ADAMTS19: variants seen among roughly 807,000 people sequenced by gnomAD.
ADAMTS19 encodes the protein ADAM metallopeptidase with thrombospondin type 1 motif 19.
In ADAMTS19, 93 loss-of-function variants were observed where a neutral mutation model predicts 153.3. The ratio of observed to expected loss-of-function variants is 0.61; its 90% CI spans 0.51 to 0.72. The LOEUF (loss-of-function observed/expected upper bound fraction) is 0.72. ADAMTS19 is among the 30% of genes least tolerant of loss of function. The pLI is 0.00. For synonymous variants in ADAMTS19, 600 were observed against 556.6 expected (o/e 1.08, Z -1.10); for missense variants, 1,482 against 1,552.1 (o/e 0.95, Z 0.76).
In ADAMTS19 at chr5:129,461,534, T is replaced by C; in HGVS notation, c.524T>C (p.Ile175Thr). The change falls in exon 2 of 23, where the codon ATC becomes ACC. Residue 175 changes from isoleucine (I) to threonine (T), a missense_variant. By Grantham distance (89) the Ile-to-Thr change is moderately conservative (BLOSUM62 -1). Coordinates refer to ENST00000274487, the MANE Select transcript of ADAMTS19 (RefSeq NM_133638.6). The surrounding 1 kb of genome is among the most constrained non-coding windows in gnomAD (Gnocchi z 4.6). ...GATGGCGACGAAGTGTTGCTGCGGA[T>C]CCCGGCCTTCTCTCGGGACCTGTAC... ...EPDGDEVLLRIPAFSRDLYLL... is the reference protein window; with the variant it reads ...EPDGDEVLLRTPAFSRDLYLL... 1 of 1,530,650 alleles carries C rather than the reference T, an allele frequency of 6.5e-7. No individual in the cohort carries two copies. Among genetic ancestry groups the C allele is most frequent in the Non-Finnish European group, 8.7e-7 (1 of 1,145,268 alleles). 94.8% of individuals were successfully genotyped at this position (1,530,650 alleles called of 1,614,324 possible). A position where few individuals can be genotyped will look rare whatever the true frequency, so the allele number is the denominator to read the frequency against.
intron 2 of ADAMTS19, among the ~76,000 whole-genome samples, chr5:129,478,036 C>A (rs1750281914): frequency 6.6e-6 from 1 of 152,084 alleles, no homozygotes; most frequent in South Asian, 2.1e-4. Context: ...AGAACCATCA[C>A]AATAATATAA....
At chr5:129,648,374 C>G (rs1332286570) in intron 12 of ADAMTS19, among the ~76,000 whole-genome samples, 1 of 152,184 alleles carries the variant, frequency 6.6e-6, no homozygotes, top group Non-Finnish European at 1.5e-5. Flanking sequence ...ATGAGAAAGT[C>G]ATTCCAGCTT....
chr5:129,581,540 T>A (rs538107608), intron 7 of ADAMTS19, among the ~76,000 whole-genome samples: 14 of 146,882 alleles, frequency 9.5e-5, no homozygotes, highest in South Asian at 6.5e-4. Context: ...GATAATCTTT[T>A]AAAAAAAAAA....
intron 11 of ADAMTS19, among the ~76,000 whole-genome samples, chr5:129,646,648 TA>T (rs1209868887): frequency 3.3e-5 from 5 of 151,926 alleles, no homozygotes; most frequent in Admixed American, 6.6e-5. Context: ...ATTCAATTCC[TA>T]AAAAAAACTG....
intron 7 of ADAMTS19, among the ~76,000 whole-genome samples, chr5:129,579,316 T>C (rs1749385896): frequency 6.6e-6 from 1 of 152,184 alleles, no homozygotes; most frequent in South Asian, 2.1e-4. Flanking sequence ...TTGATTAAGT[T>C]CTTTGTAGAT....
At position 129,464,687 on chromosome 5, in the gene ADAMTS19, A is replaced by AT. The variant is rs369133883; in HGVS notation, c.747+2934dup. Reference sequence around the variant, plus strand: ...TCAAAGGATAAGTGCCAGAATGGAGATTTTGGATACAGGGGCAAAGCCTGC... The same window carrying AT: ...TCAAAGGATAAGTGCCAGAATGGAGATTTTTGGATACAGGGGCAAAGCCTGC... On this transcript the variant is annotated intron_variant, in intron 2 of 22. Transcript: ENST00000274487. Among the ~76,000 whole-genome samples, 475 of 152,346 alleles carry AT rather than the reference A, an allele frequency of 3.1e-3. 2 individuals carry two copies. The highest frequency in any genetic ancestry group is 4.2e-3 in the Non-Finnish European group (286 of 68,040).
At chr5:129,460,831 A>G in intron 1 of ADAMTS19, 6 of 480,794 alleles carry the variant, frequency 1.2e-5, no homozygotes, top group South Asian at 7.9e-5. Flanking sequence ...GAGTCTTTGC[A>G]TCGGTTTTCT....
At chr5:129,533,118 A>G (rs987360590) in intron 6 of ADAMTS19, among the ~76,000 whole-genome samples, 1 of 152,102 alleles carries the variant, frequency 6.6e-6, no homozygotes, top group Non-Finnish European at 1.5e-5. Flanking sequence ...AAAAAATTAT[A>G]CTGAGTGAAA....
At chr5:129,718,281 T>C (rs1756821010) in intron 21 of ADAMTS19, among the ~76,000 whole-genome samples, 1 of 152,146 alleles carries the variant, frequency 6.6e-6, no homozygotes, top group Non-Finnish European at 1.5e-5. Flanking sequence ...CACATTTCCT[T>C]GATTTGCTAT....
intron 6 of ADAMTS19, among the ~76,000 whole-genome samples, chr5:129,540,784 A>G (rs1170501082): frequency 2.0e-5 from 3 of 151,966 alleles, no homozygotes; most frequent in Non-Finnish European, 4.4e-5. Context: ...GCTACATTTC[A>G]TTTTTTTCAA....
At chr5:129,560,363 G>A (rs1018896838) in intron 7 of ADAMTS19, among the ~76,000 whole-genome samples, 31 of 152,130 alleles carry the variant, frequency 2.0e-4, no homozygotes, top group African/African-American at 7.2e-4. Flanking sequence ...GGGAGGGTGG[G>A]GAAAGATGGT....
chr5:129,671,867 C>T (rs181211893), intron 16 of ADAMTS19, among the ~76,000 whole-genome samples: 136 of 152,114 alleles, frequency 8.9e-4, no homozygotes, highest in African/African-American at 3.0e-3. Context: ...TTACCTTCCA[C>T]GCAGTTTTGT....
At chr5:129,509,535 T>A (rs948597574) in intron 3 of ADAMTS19, among the ~76,000 whole-genome samples, 3 of 151,970 alleles carry the variant, frequency 2.0e-5, no homozygotes, top group African/African-American at 7.2e-5. Context: ...TTTACTGGAA[T>A]AGAAATGACA....
intron 17 of ADAMTS19, among the ~76,000 whole-genome samples, chr5:129,682,460 A>G (rs1394381609): frequency 6.6e-6 from 1 of 152,240 alleles, no homozygotes; most frequent in African/African-American, 2.4e-5. Context: ...AAGTGGCATT[A>G]GATATTCAAG....
chr5:129,706,866 TA>T (rs1756181042), intron 21 of ADAMTS19, among the ~76,000 whole-genome samples: 1 of 152,214 alleles, frequency 6.6e-6, no homozygotes, highest in Non-Finnish European at 1.5e-5. Context: ...TGTGGTTTTT[TA>T]TGCTAAACTA....
chr5:129,490,711 A>G (rs1475672393), intron 2 of ADAMTS19, among the ~76,000 whole-genome samples: 3 of 152,170 alleles, frequency 2.0e-5, no homozygotes, highest in Non-Finnish European at 4.4e-5. Flanking sequence ...TTTCTGGTGC[A>G]GATGTGTCAG....
intron 18 of ADAMTS19, among the ~76,000 whole-genome samples, chr5:129,692,005 T>A (rs1755360044): frequency 6.6e-6 from 1 of 152,188 alleles, no homozygotes; most frequent in Non-Finnish European, 1.5e-5. Flanking sequence ...CTTTTTGTGT[T>A]GCAGTTGGCA....
chr5:129,708,559 T>C (rs1756275603), intron 21 of ADAMTS19, among the ~76,000 whole-genome samples: 1 of 129,580 alleles, frequency 7.7e-6, no homozygotes, highest in East Asian at 2.2e-4. Context: ...CTGCAACTCC[T>C]GATTTTCATT....
intron 3 of ADAMTS19, among the ~76,000 whole-genome samples, chr5:129,512,531 C>T (rs1280709931): frequency 1.3e-5 from 2 of 151,998 alleles, no homozygotes; most frequent in Admixed American, 1.3e-4. Flanking sequence ...AAGATTACTT[C>T]AATATGCATG....
Sources: gnomAD v4.1 joint callset for allele counts (sites outside exome capture counted in the v4.1 genomes callset) on GRCh38, gnomAD v4.1.1 for gene constraint, Gnocchi (gnomAD v3.1) non-coding constraint, MANE v1.5 for transcripts, NCBI Gene and HGNC (gene_info 2026-07-23, HGNC 2026-07-21) for gene names.